The following MTMR2 variants were observed in gnomAD, a reference collection of about 807,000 sequenced individuals.
MTMR2 encodes the protein myotubularin related protein 2.
Under a neutral mutation model 86.9 loss-of-function variants are expected in MTMR2, and 55 were observed. That is an observed-to-expected ratio of 0.63 (90% CI 0.51 to 0.79). The LOEUF is 0.79. Among genes scored for constraint, MTMR2 ranks in the 30% least tolerant of loss-of-function variants. The pLI is 0.00. For synonymous variants in MTMR2, 241 were observed against 266.8 expected (o/e 0.90, Z 0.94); for missense variants, 659 against 772.3 (o/e 0.85, Z 1.74).
intron 2 of MTMR2, among the ~76,000 whole-genome samples, chr11:95,867,357 C>T (rs984648865): frequency 6.6e-6 from 1 of 152,194 alleles, no homozygotes; most frequent in African/African-American, 2.4e-5. Context: ...CAGCAACCCC[C>T]GGAAAATATT....
chr11:95,862,583 G>C (rs1205242417), intron 3 of MTMR2, among the ~76,000 whole-genome samples: 1 of 152,174 alleles, frequency 6.6e-6, no homozygotes, highest in African/African-American at 2.4e-5. Flanking sequence ...CTGAAAAGGT[G>C]GAGGGACTTC....
rs556873132 is a variant in MTMR2, at chr11:95,837,945, A to G, written c.1593+149T>C. 29 of 654,876 alleles carry G rather than the reference A, an allele frequency of 4.4e-5. No homozygotes were observed. In the African/African-American group the frequency reaches 4.5e-4, roughly 10 times the overall value. 40.6% of individuals were successfully genotyped at this position (654,876 alleles called of 1,614,324 possible). ...ACTTCAGAATATATCAGGTCCAGAT[A>G]TATGGAAGGAAGCCCTCAATATTAT... On this transcript the variant is annotated intron_variant, in intron 13 of 14. Coordinates refer to ENST00000346299, the MANE Select transcript of MTMR2 (RefSeq NM_016156.6).
At chr11:95,838,465 T>C (rs1863394675) in intron 12 of MTMR2, among the ~76,000 whole-genome samples, 1 of 152,086 alleles carries the variant, frequency 6.6e-6, no homozygotes. Flanking sequence ...TAGGCAATTC[T>C]GGCAACTCTA....
At chr11:95,872,065 G>T (rs1354573281) in intron 2 of MTMR2, among the ~76,000 whole-genome samples, 2 of 152,110 alleles carry the variant, frequency 1.3e-5, no homozygotes, top group Admixed American at 6.5e-5. Flanking sequence ...GATGCCTCCA[G>T]CTTTGTTCTT....
intron 2 of MTMR2, among the ~76,000 whole-genome samples, chr11:95,874,644 T>C (rs2135512582): frequency 6.6e-6 from 1 of 152,350 alleles, no homozygotes; most frequent in East Asian, 1.9e-4. Flanking sequence ...ATTATGATGT[T>C]AGCTGGTTAT....
chr11:95,857,664 TA>T, intron 6 of MTMR2, 29 bp from the exon 7 acceptor site: 2 of 1,410,406 alleles, frequency 1.4e-6, no homozygotes, highest in Non-Finnish European at 2.0e-6. Context: ...TGGTAAGAGC[TA>T]AAAAAGATAT....
chr11:95,856,500 T>A (rs1053028754), intron 7 of MTMR2, among the ~76,000 whole-genome samples: 4 of 151,690 alleles, frequency 2.6e-5, no homozygotes, highest in South Asian at 4.1e-4. Context: ...GTCCTCTCCA[T>A]TAGACCTTTT....
chr11:95,869,807 A>G (rs941124985), intron 2 of MTMR2, among the ~76,000 whole-genome samples: 1 of 151,614 alleles, frequency 6.6e-6, no homozygotes, highest in Admixed American at 6.6e-5. Context: ...AAGACAGTCC[A>G]TATCGTATGG....
chr11:95,857,551 C>T lies in MTMR2; in HGVS notation c.654+1G>A. 6.3e-7 allele frequency: 1 copy of T among 1,599,664 alleles called. No homozygotes were observed. Among genetic ancestry groups the T allele is most frequent in the East Asian group, 2.2e-5 (1 of 44,658 alleles). Reference sequence around the variant, plus strand: ...AAATTGAAAGAGAAGAAAGTACATACCTGCCTTCTATACTCTAAAAGAGGG... The same window carrying T: ...AAATTGAAAGAGAAGAAAGTACATATCTGCCTTCTATACTCTAAAAGAGGG... On this transcript the variant is annotated splice_donor_variant, in intron 7 of 14. Coordinates refer to ENST00000346299, the MANE Select transcript of MTMR2 (RefSeq NM_016156.6). LOFTEE classifies it high-confidence loss of function.
At chr11:95,843,901 A>G (rs926668067) in intron 11 of MTMR2, among the ~76,000 whole-genome samples, 2 of 152,030 alleles carry the variant, frequency 1.3e-5, no homozygotes, top group Admixed American at 1.3e-4. Flanking sequence ...GGGAGTTAGG[A>G]AAAAAAAGTT....
Position 95,889,401 on chromosome 11 carries a change from G to A in MTMR2, c.81-1140C>T, listed in dbSNP as rs573290019. On this transcript the variant is annotated intron_variant, in intron 1 of 14. Coordinates refer to ENST00000346299, the MANE Select transcript of MTMR2 (RefSeq NM_016156.6). ...GCCCGCTTCGGCCTCCCAAAGTGCT[G>A]GGATTACAGGTGTGAGCCACTGCGC... is the stretch of plus-strand genomic sequence containing the variant. Among the ~76,000 whole-genome samples the A allele has an allele frequency of 2.0e-5, 3 of 151,918 alleles. No individual in the cohort carries two copies. In the South Asian group the frequency reaches 6.3e-4, roughly 32 times the overall value.
Position 95,862,344 on chromosome 11 carries a change from A to C in MTMR2, c.285T>G (p.Cys95Trp), listed in dbSNP as rs955541481. 6.2e-7 allele frequency: 1 copy of C among 1,613,922 alleles called. No homozygotes were observed. Among genetic ancestry groups the C allele is most frequent in the African/African-American group, 1.3e-5 (1 of 74,932 alleles). Reference sequence around the variant, plus strand: ...TTCCTCGTACAGCGCCAGTGAATGGACATATATAAGTTACATCTTTGGCTG... The same window carrying C: ...TTCCTCGTACAGCGCCAGTGAATGGCCATATATAAGTTACATCTTTGGCTG... ...KDMAKDVTYI[C>W]PFTGAVRGTL... Residue 95 changes from cysteine (C) to tryptophan (W), a missense_variant, in exon 4 of 15, where the codon TGT becomes TGG. By Grantham distance (215) the Cys-to-Trp change is radical. This residue lies in a region of MTMR2 where 387 missense variants were observed against 526.3 expected (regional missense o/e 0.74). Coordinates refer to ENST00000346299, the MANE Select transcript of MTMR2 (RefSeq NM_016156.6).
chr11:95,902,192 G>A (rs1866098476), intron 1 of MTMR2, among the ~76,000 whole-genome samples: 1 of 152,084 alleles, frequency 6.6e-6, no homozygotes, highest in South Asian at 2.1e-4. Flanking sequence ...ATGTAAAATG[G>A]CGATGGTATA....
chr11:95,888,340 T>C (rs1865588311), intron 1 of MTMR2, 79 bp from the exon 2 acceptor site: 7 of 925,642 alleles, frequency 7.6e-6, no homozygotes, highest in Non-Finnish European at 1.2e-5. Context: ...TTAATATAAC[T>C]CCAATATTTA....
intron 1 of MTMR2, among the ~76,000 whole-genome samples, chr11:95,907,179 G>A (rs747394392): frequency 2.6e-5 from 4 of 151,804 alleles, no homozygotes; most frequent in Non-Finnish European, 4.4e-5. Context: ...TGACAAAGGG[G>A]GCATTACCAC....
intron 2 of MTMR2, among the ~76,000 whole-genome samples, chr11:95,867,893 T>C (rs1864676907): frequency 6.7e-6 from 1 of 148,888 alleles, no homozygotes; most frequent in Non-Finnish European, 1.5e-5. Flanking sequence ...CTTCTGAAAA[T>C]AATTCTCTAT....
At chr11:95,888,882 A>T (rs1294901040) in intron 1 of MTMR2, among the ~76,000 whole-genome samples, 1 of 152,194 alleles carries the variant, frequency 6.6e-6, no homozygotes, top group African/African-American at 2.4e-5. Context: ...CAGACCAACA[A>T]ACAAGGAAAT....
At chr11:95,904,802 C>T (rs1434972144) in intron 1 of MTMR2, among the ~76,000 whole-genome samples, 5 of 152,148 alleles carry the variant, frequency 3.3e-5, no homozygotes, top group South Asian at 2.1e-4. Flanking sequence ...GGACTCACCC[C>T]GAATTCTTTC....
At position 95,847,709 on chromosome 11, in the gene MTMR2, C is replaced by A. The variant is rs1863850165; in HGVS notation, c.1179+5G>T. 11 of 1,587,550 alleles carry A rather than the reference C, an allele frequency of 6.9e-6. No homozygotes were observed. Among genetic ancestry groups the A allele is most frequent in the Non-Finnish European group, 8.6e-6 (10 of 1,158,584 alleles). On this transcript the variant is annotated splice_donor_5th_base_variant and intron_variant, in intron 10 of 14. Coordinates refer to ENST00000346299, the MANE Select transcript of MTMR2 (RefSeq NM_016156.6). ...TTTGTTTGGGATATAGTAACACACA[C>A]CCACCTTAATATGTTCTAGCCAATG...
Sources: gnomAD v4.1 joint callset for allele counts (sites outside exome capture counted in the v4.1 genomes callset) on GRCh38, gnomAD v4.1.1 for gene constraint, gnomAD v4.1.1 regional missense constraint, MANE v1.5 for transcripts, NCBI Gene and HGNC (gene_info 2026-07-23, HGNC 2026-07-21) for gene names.